Variants in ZNF829 observed in about 807,000 individuals in gnomAD.
ZNF829 encodes the protein zinc finger protein 829.
In ZNF829, 25 loss-of-function variants were observed where a neutral mutation model predicts 35.2. The observed-to-expected ratio is 0.71, with a 90% confidence interval of 0.52 to 0.99. The LOEUF is 0.99. ZNF829 is among the 50% of genes least tolerant of loss of function. The probability of loss-of-function intolerance (pLI) is 0.00; values close to 1 mark genes in which losing one functional copy is unlikely to be tolerated. For synonymous variants in ZNF829, 136 were observed against 163.2 expected, an observed-to-expected ratio of 0.83 and a Z score of 1.27; for missense variants, 417 against 515.3, an observed-to-expected ratio of 0.81 and a Z score of 1.85.
chr19:36,915,787 G>C, intron 1 of ZNF829: 1 of 1,385,782 alleles, frequency 7.2e-7, no homozygotes, highest in South Asian at 1.2e-5. Context: ...AGTAGAGATG[G>C]GGTTTCACCA....
intron 5 of ZNF829, among the ~76,000 whole-genome samples, chr19:36,895,951 G>A (rs2073107934): frequency 2.6e-5 from 4 of 152,200 alleles, no homozygotes. Context: ...AGGATCACTT[G>A]AGGTCAGGAG....
At chr19:36,895,519 A>G (rs1449819269) in intron 5 of ZNF829, among the ~76,000 whole-genome samples, 1 of 152,240 alleles carries the variant, frequency 6.6e-6, no homozygotes. Context: ...CCTATTAATA[A>G]TAACCTTGAA....
chr19:36,891,434 T>TA lies in ZNF829; in HGVS notation c.*57dup, dbSNP rs1568366120. The TA allele has an allele frequency of 3.4e-6, 5 of 1,483,384 alleles. No homozygotes were observed. In the Admixed American group the frequency reaches 1.2e-4, roughly 34 times the overall value. The allele number at this position is 1,483,384 out of a possible 1,614,324, so 91.9% of individuals were successfully genotyped here. ...AATATGTATCCTAATTTGTTCTCCTTACCTGTTTTAAAAAAATTATTATAA... is the reference window on the plus strand; with the variant it reads ...AATATGTATCCTAATTTGTTCTCCTTAACCTGTTTTAAAAAAATTATTATAA... On this transcript the variant is annotated 3_prime_UTR_variant, in exon 6 of 6. Coordinates refer to ENST00000391711, the MANE Select transcript of ZNF829 (RefSeq NM_001037232.4).
intron 5 of ZNF829, among the ~76,000 whole-genome samples, chr19:36,898,351 A>G (rs2073131428): frequency 6.6e-6 from 1 of 152,210 alleles, no homozygotes; most frequent in Admixed American, 6.5e-5. Context: ...GAAATTGAAG[A>G]CAACAAACAA....
At chr19:36,895,938 G>A (rs558447295) in intron 5 of ZNF829, among the ~76,000 whole-genome samples, 5 of 152,000 alleles carry the variant, frequency 3.3e-5, no homozygotes, top group African/African-American at 9.6e-5. Flanking sequence ...AGGCCAAGGC[G>A]GGAGGATCAC....
intron 5 of ZNF829, chr19:36,902,097 C>A: frequency 2.3e-6 from 1 of 434,104 alleles, no homozygotes; most frequent in Non-Finnish European, 4.2e-6. Context: ...AATCTACAGA[C>A]AGTCAATGTG....
At chr19:36,906,537 A>G (rs1021852971) in intron 5 of ZNF829, 3 of 152,242 alleles carry the variant, frequency 2.0e-5, no homozygotes, top group Non-Finnish European at 2.9e-5. Flanking sequence ...TACTGCTAGT[A>G]GAACTGCAAA....
chr19:36,891,498 A>G lies in ZNF829; in HGVS notation c.1293T>C (p.Thr431=). ...SDLIRHEGIH[T]G Reference sequence around the variant, plus strand: ...GGTCTTACTTTACTGTCATTCAACCAGTATGAATTCCCTCATGGCGAATGA... The same window carrying G: ...GGTCTTACTTTACTGTCATTCAACCGGTATGAATTCCCTCATGGCGAATGA... The change falls in exon 6 of 6, where the codon ACT becomes ACC. Residue 431 remains threonine, a synonymous_variant. Coordinates refer to ENST00000391711, the MANE Select transcript of ZNF829 (RefSeq NM_001037232.4). 6.5e-7 allele frequency: 1 copy of G among 1,546,708 alleles called. No homozygotes were observed. The highest frequency in any genetic ancestry group is 1.3e-5 in the South Asian group (1 of 78,824).
chr19:36,907,903 C>T (rs1568371632), intron 5 of ZNF829, 26 bp downstream of exon 5: 3 of 1,587,516 alleles, frequency 1.9e-6, no homozygotes, highest in South Asian at 1.1e-5. Flanking sequence ...TATAGCCCTG[C>T]TCCTGAGCCA....
At chr19:36,915,280 G>C in intron 1 of ZNF829, 29 bp from the exon 2 acceptor site, 1 of 1,586,260 alleles carries the variant, frequency 6.3e-7, no homozygotes, top group Non-Finnish European at 8.6e-7. Flanking sequence ...AGTCACAATC[G>C]CATAGTTGAC....
chr19:36,892,266 C>A lies in ZNF829; in HGVS notation c.525G>T (p.Gln175His). The change falls in exon 6 of 6, where the codon CAG (glutamine) becomes CAT (histidine). Residue 175 changes from glutamine (Q) to histidine (H), a missense_variant. Coordinates refer to ENST00000391711, the MANE Select transcript of ZNF829 (RefSeq NM_001037232.4). ...AGTGTTTTTCACCAAAATGAATTCT[C>A]TGATGTTGGATAAATTGTGAGTTTT... Reference protein sequence around the residue: ...FNQNSQFIQHQRIHFGEKHYE... With the variant: ...FNQNSQFIQHHRIHFGEKHYE... 1 of 1,613,932 alleles carries A rather than the reference C, an allele frequency of 6.2e-7. No homozygotes were observed. Among genetic ancestry groups the A allele is most frequent in the Non-Finnish European group, 8.5e-7 (1 of 1,180,018 alleles).
At chr19:36,898,991 C>G (rs2073137262) in intron 5 of ZNF829, among the ~76,000 whole-genome samples, 1 of 151,890 alleles carries the variant, frequency 6.6e-6, no homozygotes, top group Admixed American at 6.6e-5. Flanking sequence ...GGGGCAACAA[C>G]AAAAAAATAG....
intron 3 of ZNF829, among the ~76,000 whole-genome samples, chr19:36,909,573 C>T (rs2073245727): frequency 6.6e-6 from 1 of 152,004 alleles, no homozygotes; most frequent in South Asian, 2.1e-4. Context: ...CTTTGGGAGG[C>T]CGAGGCAGGA....
intron 5 of ZNF829, among the ~76,000 whole-genome samples, chr19:36,895,969 C>A (rs542655897): frequency 5.3e-5 from 8 of 151,920 alleles, no homozygotes; most frequent in Non-Finnish European, 1.0e-4. Flanking sequence ...GAGTTCGAGA[C>A]CAGCCTTCCC....
chr19:36,898,292 C>T (rs993437483), intron 5 of ZNF829, among the ~76,000 whole-genome samples: 1 of 151,982 alleles, frequency 6.6e-6, no homozygotes, highest in East Asian at 1.9e-4. Context: ...ATAAATTTAA[C>T]CATGAAGTGA....
intron 5 of ZNF829, 126 bp downstream of exon 5, chr19:36,907,802 AG>A: frequency 1.3e-5 from 9 of 692,794 alleles, no homozygotes; most frequent in African/African-American, 7.4e-5. Flanking sequence ...AAAAAGTATG[AG>A]AAAAAAAAAA....
At chr19:36,912,185 T>G (rs1333991241) in intron 3 of ZNF829, among the ~76,000 whole-genome samples, 1 of 152,196 alleles carries the variant, frequency 6.6e-6, no homozygotes, top group Non-Finnish European at 1.5e-5. Flanking sequence ...CTTGAAGCAA[T>G]TCTCAGCTCA....
rs1343771471 is a variant in ZNF829, at chr19:36,891,878, A to T, written c.913T>A (p.Phe305Ile). The T allele has an allele frequency of 6.2e-7, 1 of 1,613,922 alleles. No homozygotes were observed. The highest frequency in any genetic ancestry group is 8.5e-7 in the Non-Finnish European group (1 of 1,179,970). The stretch of plus-strand genomic sequence containing the variant: ...TGAATAAGCCTTGAGTGTTGAGTAA[A>T]GGCTTTCCCACATTCTTTACATTCA... ...PYECKECGKA[F>I]TQHSRLIQHQ... is the part of the protein sequence containing the mutation. The change falls in exon 6 of 6, where the codon TTT becomes ATT. Residue 305 changes from phenylalanine to isoleucine, a missense_variant. Coordinates refer to ENST00000391711, the MANE Select transcript of ZNF829 (RefSeq NM_001037232.4).
chr19:36,902,729 C>G (rs1456632113), intron 5 of ZNF829, among the ~76,000 whole-genome samples: 1 of 151,292 alleles, frequency 6.6e-6, no homozygotes, highest in East Asian at 2.0e-4. Context: ...TTCTGTCAGA[C>G]TTTTTGACAT....
Sources: allele counts gnomAD v4.1 joint callset (sites outside exome capture counted in the v4.1 genomes callset), GRCh38; gene constraint gnomAD v4.1.1; transcripts MANE v1.5; gene names NCBI Gene and HGNC (gene_info 2026-07-23, HGNC 2026-07-21).